NF1: variants seen among roughly 807,000 people sequenced by gnomAD.
NF1 encodes the protein neurofibromin 1.
Under a neutral mutation model 325.7 loss-of-function variants are expected in NF1, and 122 were observed. The ratio of observed to expected loss-of-function variants is 0.37; its 90% CI spans 0.32 to 0.44. NF1 has a LOEUF of 0.44. Ranked by LOEUF, NF1 falls within the 20% of genes least tolerant of loss-of-function variation. The pLI is 1.00. For synonymous variants in NF1, 1,091 were observed against 1,186.0 expected, an observed-to-expected ratio of 0.92 and a Z score of 1.65; for missense variants, 2,140 against 3,415.4, an observed-to-expected ratio of 0.63 and a Z score of 9.31.
At chr17:31,313,722 ATGTGTGTGTGTGTGTG>A (rs60267436) in intron 36 of NF1, among the ~76,000 whole-genome samples, 11 of 139,026 alleles carry the variant, frequency 7.9e-5, no homozygotes, top group East Asian at 6.2e-4. Context: ...AAAAAAAAAT[ATGTGTGTGTGTGTGTG>A]TGTGTGTGTG....
At chr17:31,361,342 T>C (rs1410766019) in intron 57 of NF1, 1 of 152,616 alleles carries the variant, frequency 6.6e-6, no homozygotes. Context: ...CCAGTGGGAC[T>C]GAGATAAACA....
At chr17:31,179,701 T>A (rs959910051) in intron 5 of NF1, among the ~76,000 whole-genome samples, 3 of 151,436 alleles carry the variant, frequency 2.0e-5, no homozygotes, top group African/African-American at 7.3e-5. Context: ...GAGAATGGCG[T>A]GCACCCGGGA....
intron 1 of NF1, among the ~76,000 whole-genome samples, chr17:31,146,131 G>T (rs555876576): frequency 6.6e-4 from 100 of 152,296 alleles, no homozygotes; most frequent in Admixed American, 1.7e-3. Flanking sequence ...TGTGTTCTCT[G>T]CTCAGGTTCT....
At chr17:31,201,329 T>A in intron 10 of NF1, 82 bp from the exon 11 acceptor site, 1 of 1,465,776 alleles carries the variant, frequency 6.8e-7, no homozygotes, top group Non-Finnish European at 9.4e-7. Flanking sequence ...AACTTTCTAT[T>A]TGCTGTTCTT....
intron 1 of NF1, among the ~76,000 whole-genome samples, chr17:31,116,644 C>T (rs186601184): frequency 6.6e-6 from 1 of 151,982 alleles, no homozygotes; most frequent in East Asian, 1.9e-4. Context: ...ATTTTTAGAA[C>T]TCCAAAATCA....
At position 31,221,934 on chromosome 17, in the gene NF1, A is replaced by G. The variant is rs876658961; in HGVS notation, c.1721+5A>G. ...AGAAACATTTTGGGAGATTAGGTAT[A>G]TGTACTTTTATTTTTTAAATTCAAC... On this transcript the variant is annotated splice_donor_5th_base_variant and intron_variant, in intron 15 of 57. Coordinates refer to ENST00000358273, the MANE Select transcript of NF1 (RefSeq NM_001042492.3). 1.3e-6 allele frequency: 2 copies of G among 1,584,318 alleles called. No homozygotes were observed. The highest frequency in any genetic ancestry group is 2.2e-5 in the East Asian group (1 of 44,488).
chr17:31,366,744 A>G (rs559469550), intron 57 of NF1, among the ~76,000 whole-genome samples: 20 of 152,304 alleles, frequency 1.3e-4, no homozygotes, highest in Non-Finnish European at 1.9e-4. Flanking sequence ...GAAAAGAAAT[A>G]TCTCCCTTTT....
chr17:31,126,603 G>A (rs187262086), intron 1 of NF1, among the ~76,000 whole-genome samples: 39 of 152,030 alleles, frequency 2.6e-4, no homozygotes, highest in African/African-American at 8.7e-4. Flanking sequence ...CACTGTGCCT[G>A]GCTAATTTTT....
chr17:31,346,680 T>C (rs572189612), intron 48 of NF1, among the ~76,000 whole-genome samples: 5 of 152,184 alleles, frequency 3.3e-5, no homozygotes, highest in South Asian at 2.1e-4. Flanking sequence ...TTGAAGCTAC[T>C]TACTCATAGT....
chr17:31,247,152 G>C (rs1290987535), intron 29 of NF1, among the ~76,000 whole-genome samples: 2 of 147,780 alleles, frequency 1.4e-5, no homozygotes, highest in Non-Finnish European at 3.0e-5. Context: ...CCGAGATTGT[G>C]CCACTGCACT....
In NF1 at chr17:31,358,463, C is replaced by CTTTTTTTT; in HGVS notation, c.7971-15_7971-8dup. 2 of 1,601,140 alleles carry CTTTTTTTT rather than the reference C, an allele frequency of 1.2e-6. No homozygotes were observed. The highest frequency in any genetic ancestry group is 1.1e-5 in the South Asian group (1 of 90,670). The stretch of plus-strand genomic sequence containing the variant: ...TTCCTCTAAAATGTTCCTCTGTTGA[C>CTTTTTTTT]TTTTTTTTTCTTTTAGGCATAATTT... On this transcript the variant is annotated splice_polypyrimidine_tract_variant and intron_variant, in intron 54 of 57. Coordinates refer to ENST00000358273, the MANE Select transcript of NF1 (RefSeq NM_001042492.3).
At chr17:31,323,216 G>T (rs1344679260) in intron 36 of NF1, among the ~76,000 whole-genome samples, 1 of 151,866 alleles carries the variant, frequency 6.6e-6, no homozygotes, top group Admixed American at 6.6e-5. Flanking sequence ...TGGGCAGCAT[G>T]GCAAAATCCT....
At chr17:31,282,936 G>A (rs2068149822) in intron 36 of NF1, among the ~76,000 whole-genome samples, 1 of 152,144 alleles carries the variant, frequency 6.6e-6, no homozygotes, top group African/African-American at 2.4e-5. Flanking sequence ...GATATTGTCT[G>A]TCTTTCTAGA....
rs2066789860 is a variant in NF1 at position 31,214,654 on chromosome 17, AGACCTT to A, written c.1527+72_1527+77del. On this transcript the variant is annotated intron_variant, in intron 13 of 57. Transcript: ENST00000358273. ...TTAATTGGGTTTAGCTGAAACGCCA[AGACCTT>A]GAGGATAATTTTTAGCTCAAGAGCA... 4 of 1,495,188 alleles carry A rather than the reference AGACCTT, an allele frequency of 2.7e-6. No homozygotes were observed. In the Admixed American group the frequency reaches 5.3e-5, roughly 20 times the overall value. 92.6% of individuals were successfully genotyped at this position (1,495,188 alleles called of 1,614,324 possible). A position where few individuals can be genotyped will look rare whatever the true frequency, so the allele number is the denominator to read the frequency against.
At chr17:31,274,399 A>T (rs113359320) in intron 36 of NF1, among the ~76,000 whole-genome samples, 1 of 152,188 alleles carries the variant, frequency 6.6e-6, no homozygotes, top group South Asian at 2.1e-4. Context: ...GTGTTGACAT[A>T]CAAGGAAATT....
chr17:31,172,419 C>T (rs915775386), intron 5 of NF1, among the ~76,000 whole-genome samples: 5 of 151,714 alleles, frequency 3.3e-5, no homozygotes, highest in African/African-American at 7.3e-5. Flanking sequence ...ATATATCAAT[C>T]GATATGTGTA....
chr17:31,178,708 A>C (rs1236578235), intron 5 of NF1, among the ~76,000 whole-genome samples: 1 of 152,190 alleles, frequency 6.6e-6, no homozygotes, highest in South Asian at 2.1e-4. Flanking sequence ...GTAGGGTTGC[A>C]ATCCTAGTCT....
chr17:31,259,413 A>G (rs2067645490), intron 33 of NF1, among the ~76,000 whole-genome samples: 1 of 152,210 alleles, frequency 6.6e-6, no homozygotes, highest in African/African-American at 2.4e-5. Flanking sequence ...ATATGTGGAC[A>G]AGGAAGAAGT....
chr17:31,222,225 T>G, intron 15 of NF1: 2 of 1,086,894 alleles, frequency 1.8e-6, no homozygotes, highest in Non-Finnish European at 2.2e-6. Flanking sequence ...ACTACTGTAT[T>G]TTTAATAGAT....
Sources: gnomAD v4.1 joint callset for allele counts (sites outside exome capture counted in the v4.1 genomes callset) on GRCh38, gnomAD v4.1.1 for gene constraint, MANE v1.5 for transcripts, NCBI Gene and HGNC (gene_info 2026-07-23, HGNC 2026-07-21) for gene names.